Variants in OGDH observed in about 807,000 individuals in gnomAD.
OGDH encodes the protein 2-oxoglutarate dehydrogenase complex component E1.
A neutral mutation model predicts 116.6 loss-of-function variants in OGDH; 38 were observed. The observed-to-expected ratio is 0.33, with a 90% CI of 0.25 to 0.43. OGDH has a LOEUF of 0.43. OGDH is among the 20% of genes least tolerant of loss of function. The pLI is 1.00. For synonymous variants in OGDH, 488 were observed against 533.3 expected (o/e 0.92, Z 1.17); for missense variants, 825 against 1,357.2 (o/e 0.61, Z 6.16).
chr7:44,667,710 AG>A (rs1338233356), intron 5 of OGDH, among the ~76,000 whole-genome samples: 2 of 152,112 alleles, frequency 1.3e-5, no homozygotes, highest in African/African-American at 4.8e-5. Context: ...CCCATTGCAG[AG>A]GGGAGAATGG....
intron 4 of OGDH, among the ~76,000 whole-genome samples, chr7:44,650,913 C>T (rs1786412055): frequency 6.6e-6 from 1 of 152,228 alleles, no homozygotes; most frequent in South Asian, 2.1e-4. Flanking sequence ...CATGCCTCCG[C>T]TTAGCCGCCC....
chr7:44,634,643 C>T (rs1318945523), intron 2 of OGDH, among the ~76,000 whole-genome samples: 2 of 152,126 alleles, frequency 1.3e-5, no homozygotes, highest in Admixed American at 1.3e-4. Context: ...TGAAGAATAC[C>T]TAAATAGAAG....
At position 44,654,639 on chromosome 7, in the gene OGDH, C is replaced by T. The variant is rs941759556; in HGVS notation, c.517+6880C>T. 5.3e-5 allele frequency among the ~76,000 whole-genome samples: 8 copies of T among 152,122 alleles called. 1 individual carries two copies. The highest frequency in any genetic ancestry group is 9.7e-5 in the African/African-American group (4 of 41,426). On this transcript the variant is annotated intron_variant, in intron 4 of 22. Transcript: ENST00000222673. ...AGGTTTCCTAAGTGACTCGGGAGGG[C>T]GGGGCCAAGCTAAGAACATAACCAG...
intron 4 of OGDH, among the ~76,000 whole-genome samples, chr7:44,649,826 C>T (rs955387333): frequency 2.6e-5 from 4 of 152,176 alleles, no homozygotes; most frequent in African/African-American, 9.7e-5. Context: ...AATCTCTTCC[C>T]AGGCCATCAC....
At chr7:44,671,026 AAAG>A (rs1562657120) in intron 5 of OGDH, among the ~76,000 whole-genome samples, 4 of 149,652 alleles carry the variant, frequency 2.7e-5, no homozygotes, top group Admixed American at 6.7e-5. Context: ...AAAAAAAAAA[AAAG>A]AAAAGAAAAA....
intron 2 of OGDH, among the ~76,000 whole-genome samples, chr7:44,644,465 T>G (rs951296052): frequency 6.6e-6 from 1 of 152,246 alleles, no homozygotes; most frequent in Admixed American, 6.5e-5. Context: ...AACACCTGAC[T>G]TTGTGAAGTA....
At chr7:44,691,981 TAAAAAAAAA>T (rs371665967) in intron 10 of OGDH, among the ~76,000 whole-genome samples, 12 of 102,604 alleles carry the variant, frequency 1.2e-4, no homozygotes, top group East Asian at 3.2e-4. Context: ...GACTCTGTCT[TAAAAAAAAA>T]AAAAAAAAAA....
intron 1 of OGDH, among the ~76,000 whole-genome samples, chr7:44,609,049 C>T (rs1177699027): frequency 6.6e-6 from 1 of 152,142 alleles, no homozygotes; most frequent in Non-Finnish European, 1.5e-5. Flanking sequence ...TCCTCCCATT[C>T]CCAGTCCTTC....
intron 1 of OGDH, among the ~76,000 whole-genome samples, chr7:44,621,208 G>GTAC (rs1784995419): frequency 6.6e-6 from 1 of 152,072 alleles, no homozygotes; most frequent in Non-Finnish European, 1.5e-5. Flanking sequence ...GGGGTAGCTG[G>GTAC]TACTACAGAC....
At chr7:44,640,980 G>A (rs1272521243) in intron 2 of OGDH, among the ~76,000 whole-genome samples, 16 of 149,916 alleles carry the variant, frequency 1.1e-4, no homozygotes, top group African/African-American at 3.9e-4. Flanking sequence ...TGCAACCTCC[G>A]ACTCCCTGGT....
intron 2 of OGDH, among the ~76,000 whole-genome samples, chr7:44,639,500 C>A (rs1785832264): frequency 6.6e-6 from 1 of 152,112 alleles, no homozygotes; most frequent in African/African-American, 2.4e-5. Context: ...ATTTTCAAAG[C>A]CTTTTTGAAT....
chr7:44,647,605 T>C, intron 3 of OGDH, 52 bp from the exon 4 acceptor site: 1 of 1,592,672 alleles, frequency 6.3e-7, no homozygotes, highest in South Asian at 1.1e-5. Context: ...CTCTTTTTTT[T>C]TCTTCTGTCC....
intron 18 of OGDH, among the ~76,000 whole-genome samples, chr7:44,699,623 G>A (rs73329038): frequency 0.01 from 1,564 of 152,262 alleles, 24 homozygotes; most frequent in African/African-American, 0.035. Context: ...GGAGCTTGCT[G>A]GACTCACTTG....
chr7:44,638,082 C>A (rs112127822), intron 2 of OGDH, among the ~76,000 whole-genome samples: 2,380 of 152,258 alleles, frequency 0.016, 67 homozygotes, highest in African/African-American at 0.054. Context: ...ACCTTTTCCC[C>A]CTTATCAGTG....
At chr7:44,665,285 TAA>T (rs61608424) in intron 4 of OGDH, among the ~76,000 whole-genome samples, 59 of 91,946 alleles carry the variant, frequency 6.4e-4, no homozygotes, top group Middle Eastern at 6.6e-3. Flanking sequence ...CCCTCCAGGT[TAA>T]AAAAAAAAAA....
chr7:44,694,318 T>C lies in OGDH; in HGVS notation c.1516-106T>C. The C allele has an allele frequency of 7.3e-7, 1 of 1,376,006 alleles. No homozygotes were observed. Among genetic ancestry groups the C allele is most frequent in the Non-Finnish European group, 9.9e-7 (1 of 1,011,110 alleles). The allele number at this position is 1,376,006 out of a possible 1,614,324, so 85.2% of individuals were successfully genotyped here. ...TAAACTCCAGGGCAGGCATGAGGAA[T>C]GAAGAACGTGGCCATCACCTAGGAG... is the stretch of plus-strand genomic sequence containing the variant. On this transcript the variant is annotated intron_variant, in intron 11 of 22. Coordinates refer to ENST00000222673, the MANE Select transcript of OGDH (RefSeq NM_002541.4). The surrounding 1 kb of genome is among the most constrained non-coding windows in gnomAD (Gnocchi z 4.2).
At position 44,694,648 on chromosome 7, in the gene OGDH, G is replaced by A; in HGVS notation, c.1668+72G>A. 1 of 1,567,750 alleles carries A rather than the reference G, an allele frequency of 6.4e-7. No homozygotes were observed. Among genetic ancestry groups the A allele is most frequent in the Non-Finnish European group, 8.7e-7 (1 of 1,143,304 alleles). Reference sequence around the variant, plus strand: ...ATGACTAGAAAAGGTGGGCCACAGGGCCAGTTCTCACTTTTGCCAGTTATG... The same window carrying A: ...ATGACTAGAAAAGGTGGGCCACAGGACCAGTTCTCACTTTTGCCAGTTATG... On this transcript the variant is annotated intron_variant, in intron 12 of 22. Transcript: ENST00000222673. The surrounding 1 kb of genome is among the most constrained non-coding windows in gnomAD (Gnocchi z 4.2).
At chr7:44,613,995 G>A (rs1784670016) in intron 1 of OGDH, among the ~76,000 whole-genome samples, 1 of 151,604 alleles carries the variant, frequency 6.6e-6, no homozygotes, top group Non-Finnish European at 1.5e-5. Flanking sequence ...TAGTTGAGAC[G>A]GGGTTTCTCC....
At chr7:44,648,311 G>A (rs1786280558) in intron 4 of OGDH, among the ~76,000 whole-genome samples, 1 of 152,204 alleles carries the variant, frequency 6.6e-6, no homozygotes, top group African/African-American at 2.4e-5. Context: ...AGCGTCAGGA[G>A]GTCAGGGCCT....
Sources: gnomAD v4.1 joint callset for allele counts (sites outside exome capture counted in the v4.1 genomes callset) on GRCh38, gnomAD v4.1.1 for gene constraint, Gnocchi (gnomAD v3.1) non-coding constraint, MANE v1.5 for transcripts, NCBI Gene and HGNC (gene_info 2026-07-23, HGNC 2026-07-21) for gene names.